The following RIPOR3 variants were observed in gnomAD, a reference collection of about 807,000 sequenced individuals.
The protein encoded by RIPOR3 is family with sequence similarity 65 member C.
In RIPOR3, 95 loss-of-function variants were observed where a neutral mutation model predicts 114.3. The observed-to-expected ratio is 0.83, with a 90% CI of 0.70 to 0.99. The LOEUF (loss-of-function observed/expected upper bound fraction) is 0.99. RIPOR3 is among the 50% of genes least tolerant of loss of function. The pLI, the probability that RIPOR3 is intolerant of heterozygous loss-of-function variation, is 0.00. For missense variants in RIPOR3, 1,252 were observed against 1,266.9 expected (o/e 0.99, Z 0.18); for synonymous variants, 575 against 543.8 (o/e 1.06, Z -0.80).
rs35144248 is a variant in RIPOR3 at position 50,586,329 on chromosome 20, CTTTTT to C, written c.*898_*902del. On this transcript the variant is annotated 3_prime_UTR_variant, in exon 22 of 22. Transcript: ENST00000327979. ...CACAGACATCTCAGGACATGGTTTGCTTTTTTTTAAGACTTAAATAGGAAACTAAT... is the reference window on the plus strand; with the variant it reads ...CACAGACATCTCAGGACATGGTTTGCTTTAAGACTTAAATAGGAAACTAAT... 6.6e-6 allele frequency: 1 copy of C among 152,124 alleles called. No homozygotes were observed. The highest frequency in any genetic ancestry group is 2.4e-5 in the African/African-American group (1 of 41,388). The allele number at this position is 152,124 out of a possible 1,614,324, so 9.4% of individuals were successfully genotyped here.
Position 50,602,046 on chromosome 20 carries a change from C to A in RIPOR3, c.1659+26G>T. ...CATCATGCCATCAGCAAAGCAGGGC[C>A]ACCGCCCGGGGCGGGGTGGCCATAC... is the stretch of plus-strand genomic sequence containing the variant. On this transcript the variant is annotated intron_variant, in intron 13 of 21. Transcript: ENST00000327979. This position sits in a 1 kb window ranked among gnomAD's most constrained non-coding sequence, Gnocchi z 4.3. 1 of 1,462,060 alleles carries A rather than the reference C, an allele frequency of 6.8e-7. No individual in the cohort carries two copies. The highest frequency in any genetic ancestry group is 9.0e-7 in the Non-Finnish European group (1 of 1,108,702). 90.6% of individuals were successfully genotyped at this position (1,462,060 alleles called of 1,614,324 possible). A position where few individuals can be genotyped will look rare whatever the true frequency, so the allele number is the denominator to read the frequency against.
intron 1 of RIPOR3, chr20:50,645,948 G>A (rs1162178190): frequency 6.6e-6 from 1 of 152,252 alleles, no homozygotes; most frequent in African/African-American, 2.4e-5. Context: ...TTTTGACAGT[G>A]AAATATGCAG....
At chr20:50,622,730 C>G (rs1347215457) in intron 2 of RIPOR3, among the ~76,000 whole-genome samples, 1 of 152,112 alleles carries the variant, frequency 6.6e-6, no homozygotes, top group African/African-American at 2.4e-5. Context: ...CTCAAGTAAG[C>G]ACCTGCATTT....
At chr20:50,684,221 C>T (rs1378629163) in intron 1 of RIPOR3, among the ~76,000 whole-genome samples, 2 of 151,996 alleles carry the variant, frequency 1.3e-5, no homozygotes, top group Non-Finnish European at 2.9e-5. Flanking sequence ...ATGAAGAAGA[C>T]CAGGGAGTGA....
intron 1 of RIPOR3, among the ~76,000 whole-genome samples, chr20:50,648,113 T>C (rs1451301317): frequency 1.3e-5 from 2 of 151,478 alleles, no homozygotes; most frequent in Admixed American, 1.3e-4. Context: ...CCATCTCTAC[T>C]AAAAATATAA....
intron 1 of RIPOR3, among the ~76,000 whole-genome samples, chr20:50,647,569 G>T (rs943354121): frequency 2.2e-5 from 3 of 135,412 alleles, no homozygotes; most frequent in African/African-American, 8.3e-5. Context: ...TGCAAGCTCC[G>T]CCTCCCGGGT....
intron 1 of RIPOR3, among the ~76,000 whole-genome samples, chr20:50,686,748 TA>T (rs11470692): frequency 2.4e-3 from 346 of 141,854 alleles, no homozygotes; most frequent in Non-Finnish European, 2.7e-3. Context: ...GAGACTCTGT[TA>T]AAAAAAAAAA....
At chr20:50,611,654 G>T (rs1371994325) in intron 4 of RIPOR3, among the ~76,000 whole-genome samples, 1 of 152,206 alleles carries the variant, frequency 6.6e-6, no homozygotes, top group Non-Finnish European at 1.5e-5. Flanking sequence ...ACATGGCACA[G>T]CAGTTCAGGC....
intron 3 of RIPOR3, among the ~76,000 whole-genome samples, chr20:50,619,718 G>A (rs2084326166): frequency 6.6e-6 from 1 of 152,184 alleles, no homozygotes; most frequent in Non-Finnish European, 1.5e-5. Flanking sequence ...ATTGCTTCTT[G>A]ATTGATTGCA....
intron 1 of RIPOR3, among the ~76,000 whole-genome samples, chr20:50,679,177 G>GAGAT (rs1354534344): frequency 1.8e-5 from 2 of 108,372 alleles, no homozygotes; most frequent in Non-Finnish European, 3.7e-5. Flanking sequence ...GAGAGAGAGA[G>GAGAT]ATACACATAT....
chr20:50,610,157 C>T (rs1287942733), intron 6 of RIPOR3, among the ~76,000 whole-genome samples: 2 of 148,770 alleles, frequency 1.3e-5, no homozygotes, highest in African/African-American at 5.0e-5. Flanking sequence ...ACCTGCCACC[C>T]CTGCCAACCC....
rs753141797 is a variant in RIPOR3, at chr20:50,602,659, C to T, written c.1087-15G>A. On this transcript the variant is annotated splice_polypyrimidine_tract_variant and intron_variant, in intron 12 of 21. Transcript: ENST00000327979. This position sits in a 1 kb window ranked among gnomAD's most constrained non-coding sequence, Gnocchi z 4.3. Reference sequence around the variant, plus strand: ...TGTAGGACAGACTGGAGAGGGGACACGGGAGCGGCCTCACCAGCCACCCCA... The same window carrying T: ...TGTAGGACAGACTGGAGAGGGGACATGGGAGCGGCCTCACCAGCCACCCCA... The T allele has an allele frequency of 3.2e-5, 46 of 1,432,144 alleles. No homozygotes were observed. Among genetic ancestry groups the T allele is most frequent in the Middle Eastern group, 1.9e-4 (1 of 5,242 alleles). The allele number at this position is 1,432,144 out of a possible 1,614,324, so 88.7% of individuals were successfully genotyped here.
rs140974780 is a variant in RIPOR3, at chr20:50,681,299, C to T, written c.3+9827G>A. ...AGAAAAAAAAAAACATATAATGAGG[C>T]TTCTGGAAAAGATAGCTCTTTTTAT... On this transcript the variant is annotated intron_variant, in intron 1 of 21. Coordinates refer to ENST00000327979, the MANE Select transcript of RIPOR3 (RefSeq NM_001290268.2). Among the ~76,000 whole-genome samples the T allele has an allele frequency of 3.8e-4, 53 of 140,382 alleles. 1 individual carries two copies. Among genetic ancestry groups the T allele is most frequent in the African/African-American group, 1.4e-3 (53 of 38,468 alleles). 92.1% of individuals were successfully genotyped at this position (140,382 alleles called of 152,430 possible). A position where few individuals can be genotyped will look rare whatever the true frequency, so the allele number is the denominator to read the frequency against.
intron 1 of RIPOR3, among the ~76,000 whole-genome samples, chr20:50,664,111 G>C (rs2086103999): frequency 2.0e-5 from 3 of 152,110 alleles, no homozygotes; most frequent in African/African-American, 7.2e-5. Flanking sequence ...ATTTTTAGTA[G>C]AGACGGGGTT....
At chr20:50,638,712 G>A (rs117618333) in intron 1 of RIPOR3, among the ~76,000 whole-genome samples, 5,338 of 152,100 alleles carry the variant, frequency 0.035, 110 homozygotes, top group Non-Finnish European at 0.047. Context: ...ATGGGGTAGC[G>A]GGAGGGAGCG....
intron 2 of RIPOR3, among the ~76,000 whole-genome samples, chr20:50,623,134 A>ATG (rs2084482423): frequency 6.6e-6 from 1 of 151,700 alleles, no homozygotes; most frequent in African/African-American, 2.4e-5. Context: ...GGTGGTGGAC[A>ATG]CCTGTAATCC....
intron 1 of RIPOR3, among the ~76,000 whole-genome samples, chr20:50,672,000 GGATGGATGGA>G (rs1484488736): frequency 5.1e-4 from 76 of 148,936 alleles, no homozygotes; most frequent in African/African-American, 1.8e-3. Context: ...ATGGATGGAT[GGATGGATGGA>G]TGGATGGATG....
At chr20:50,682,731 CT>C (rs11483033) in intron 1 of RIPOR3, among the ~76,000 whole-genome samples, 246 of 146,426 alleles carry the variant, frequency 1.7e-3, no homozygotes, top group Admixed American at 4.7e-3. Context: ...AGTGATAAAA[CT>C]TTTTTTTTTT....
chr20:50,598,120 T>G (rs1460668839), intron 13 of RIPOR3, among the ~76,000 whole-genome samples: 1 of 152,168 alleles, frequency 6.6e-6, no homozygotes, highest in East Asian at 1.9e-4. Flanking sequence ...ACATGGATAT[T>G]TATGGGAAAC....
Sources: allele counts gnomAD v4.1 joint callset (sites outside exome capture counted in the v4.1 genomes callset), GRCh38; gene constraint gnomAD v4.1.1; non-coding constraint Gnocchi (gnomAD v3.1); transcripts MANE v1.5; gene names NCBI Gene and HGNC (gene_info 2026-07-23, HGNC 2026-07-21).